The following PRKG2 variants were observed in gnomAD, a reference collection of about 807,000 sequenced individuals.
The protein encoded by PRKG2 is protein kinase cGMP-dependent 2, also known as cGMP-dependent protein kinase 2.
Under a neutral mutation model 97.2 loss-of-function variants are expected in PRKG2, and 33 were observed. That is an observed-to-expected ratio of 0.34 (90% CI 0.26 to 0.45). The LOEUF (loss-of-function observed/expected upper bound fraction) is 0.45, where lower values mean the gene tolerates loss of function less well. Ranked by LOEUF, PRKG2 falls within the 20% of genes least tolerant of loss-of-function variation. The probability of loss-of-function intolerance (pLI) is 1.00; values close to 1 mark genes in which losing one functional copy is unlikely to be tolerated. For missense variants in PRKG2, 638 were observed against 900.0 expected (o/e 0.71, Z 3.73); for synonymous variants, 330 against 321.8 (o/e 1.03, Z -0.27).
chr4:81,151,905 T>TA (rs1294062422), intron 8 of PRKG2, 55 bp downstream of exon 8: 2 of 1,363,996 alleles, frequency 1.5e-6, no homozygotes, highest in East Asian at 2.3e-5. Context: ...TGATTTTATA[T>TA]AAAAAATAGT....
intron 6 of PRKG2, 86 bp from the exon 7 acceptor site, chr4:81,153,807 C>T (rs112968798): frequency 7.2e-5 from 66 of 914,908 alleles, no homozygotes; most frequent in African/African-American, 6.3e-4. Flanking sequence ...CAGCTCCCAG[C>T]GTGAGCGGCG....
chr4:81,174,993 T>G (rs745491484), intron 2 of PRKG2, 34 bp from the exon 3 acceptor site: 11 of 1,522,390 alleles, frequency 7.2e-6, no homozygotes, highest in Non-Finnish European at 8.9e-6. Flanking sequence ...TAGTTACAAT[T>G]AATGAAAATC....
intron 6 of PRKG2, among the ~76,000 whole-genome samples, chr4:81,157,442 C>A (rs1245594066): frequency 6.6e-6 from 1 of 152,276 alleles, no homozygotes; most frequent in Admixed American, 6.5e-5. Context: ...TAATCAACAG[C>A]TTACCAACAA....
intron 18 of PRKG2, among the ~76,000 whole-genome samples, chr4:81,091,218 A>G (rs1205522705): frequency 6.6e-6 from 1 of 152,208 alleles, no homozygotes; most frequent in African/African-American, 2.4e-5. Flanking sequence ...ATTAAATCTC[A>G]ATGGTATTTA....
At chr4:81,149,361 A>C (rs1748164538) in intron 8 of PRKG2, among the ~76,000 whole-genome samples, 2 of 152,200 alleles carry the variant, frequency 1.3e-5, no homozygotes. Context: ...TTAGCATAAG[A>C]TCAACCAATC....
chr4:81,131,693 A>AT (rs1464753579), intron 14 of PRKG2, among the ~76,000 whole-genome samples: 1 of 151,978 alleles, frequency 6.6e-6, no homozygotes, highest in African/African-American at 2.4e-5. Context: ...ATTTAGGTTA[A>AT]TTTTTTTCCA....
chr4:81,140,759 A>G, intron 11 of PRKG2, 90 bp from the exon 12 acceptor site: 2 of 1,190,504 alleles, frequency 1.7e-6, no homozygotes, highest in Non-Finnish European at 2.4e-6. Flanking sequence ...TTCATGTTTA[A>G]TTAGTATGGA....
chr4:81,171,929 CATT>C (rs1750515930), intron 3 of PRKG2, 125 bp from the exon 4 acceptor site: 1 of 590,324 alleles, frequency 1.7e-6, no homozygotes, highest in South Asian at 3.2e-5. Flanking sequence ...TTATGATTCT[CATT>C]ATAATACACC....
At chr4:81,141,285 A>G (rs1279608442) in intron 11 of PRKG2, among the ~76,000 whole-genome samples, 1 of 152,224 alleles carries the variant, frequency 6.6e-6, no homozygotes, top group African/African-American at 2.4e-5. Flanking sequence ...TGCTGGGATT[A>G]TAAGCATGAG....
chr4:81,132,551 CTGAAG>C (rs1485265247), intron 14 of PRKG2, among the ~76,000 whole-genome samples: 2 of 152,230 alleles, frequency 1.3e-5, no homozygotes, highest in East Asian at 3.9e-4. Flanking sequence ...GAAGAATGTC[CTGAAG>C]TGAACAGCTG....
At chr4:81,173,873 CA>C (rs1191805672) in intron 3 of PRKG2, 1 of 151,978 alleles carries the variant, frequency 6.6e-6, no homozygotes, top group Non-Finnish European at 1.5e-5. Flanking sequence ...TTGTTGTCAA[CA>C]ACATGTCAAC....
chr4:81,122,061 G>A (rs1745119978), intron 14 of PRKG2, among the ~76,000 whole-genome samples: 1 of 152,130 alleles, frequency 6.6e-6, no homozygotes, highest in Admixed American at 6.5e-5. Flanking sequence ...CATTCATATA[G>A]GACATTTATT....
At chr4:81,167,352 T>C (rs1750077345) in intron 5 of PRKG2, 128 bp from the exon 6 acceptor site, 1 of 555,746 alleles carries the variant, frequency 1.8e-6, no homozygotes, top group Non-Finnish European at 3.0e-6. Context: ...CCAAAGTAAA[T>C]GTCCAAATAA....
chr4:81,114,212 C>A (rs963149520), intron 14 of PRKG2, among the ~76,000 whole-genome samples: 3 of 151,916 alleles, frequency 2.0e-5, no homozygotes, highest in African/African-American at 7.3e-5. Context: ...AACCCTGGTG[C>A]CAGTGGTGTC....
chr4:81,096,832 C>G (rs1432526808), intron 17 of PRKG2, among the ~76,000 whole-genome samples: 1 of 152,180 alleles, frequency 6.6e-6, no homozygotes, highest in East Asian at 1.9e-4. Context: ...CATTTACTTT[C>G]TCCAATTAAG....
At chr4:81,149,028 A>C in intron 8 of PRKG2, 76 bp from the exon 9 acceptor site, 1 of 1,399,584 alleles carries the variant, frequency 7.1e-7, no homozygotes, top group Non-Finnish European at 1.0e-6. Flanking sequence ...GGAATGTACT[A>C]ACTTTGTATG....
At chr4:81,126,030 C>T (rs1350503160) in intron 14 of PRKG2, among the ~76,000 whole-genome samples, 1 of 152,090 alleles carries the variant, frequency 6.6e-6, no homozygotes, top group Non-Finnish European at 1.5e-5. Flanking sequence ...CTCTCCCAGA[C>T]CCCCCAGCCG....
chr4:81,215,914 G>A (rs1257755471), upstream of PRKG2, among the ~76,000 whole-genome samples: 1 of 151,936 alleles, frequency 6.6e-6, no homozygotes, highest in African/African-American at 2.4e-5. Flanking sequence ...GTGCAATATG[G>A]TTTCCTAAAT....
intron 17 of PRKG2, among the ~76,000 whole-genome samples, chr4:81,093,406 A>AC (rs1560528537): frequency 0.017 from 2,030 of 120,146 alleles, 66 homozygotes; most frequent in African/African-American, 0.069. Context: ...CACACACACA[A>AC]GCTTCTTATC....
Sources: gnomAD v4.1 joint callset for allele counts (sites outside exome capture counted in the v4.1 genomes callset) on GRCh38, gnomAD v4.1.1 for gene constraint, MANE v1.5 for transcripts, NCBI Gene and HGNC (gene_info 2026-07-23, HGNC 2026-07-21) for gene names.